Variants in CKMT2 observed in about 807,000 individuals in gnomAD.
The protein encoded by CKMT2 is creatine kinase S-type, mitochondrial.
In CKMT2, 43 loss-of-function variants were observed where a neutral mutation model predicts 48.9. The ratio of observed to expected loss-of-function variants is 0.88; its 90% CI spans 0.69 to 1.13. The LOEUF is 1.13. CKMT2 is among the 50% of genes most tolerant of loss of function. The probability of loss-of-function intolerance (pLI) is 0.00; values close to 1 mark genes in which losing one functional copy is unlikely to be tolerated. For synonymous variants in CKMT2, 206 were observed against 213.0 expected (o/e 0.97, Z 0.29); for missense variants, 472 against 555.4 (o/e 0.85, Z 1.51).
At chr5:81,244,186 G>A in intron 1 of CKMT2, 1 of 985,382 alleles carries the variant, frequency 1.0e-6, no homozygotes, top group Non-Finnish European at 1.2e-6. Flanking sequence ...TTCACTAACA[G>A]AAGTCACAAG....
At chr5:81,240,174 C>A (rs536713259) in intron 1 of CKMT2, among the ~76,000 whole-genome samples, 1 of 152,250 alleles carries the variant, frequency 6.6e-6, no homozygotes, top group Non-Finnish European at 1.5e-5. Flanking sequence ...GGTGTTCCTG[C>A]GAAGGAAGGC....
chr5:81,259,328 C>CATCA, intron 8 of CKMT2, 74 bp downstream of exon 8: 1 of 1,324,046 alleles, frequency 7.6e-7, no homozygotes, highest in Non-Finnish European at 1.0e-6. Context: ...AGGAAGAAAA[C>CATCA]ATCACTGCCC....
chr5:81,248,628 C>A lies in CKMT2; in HGVS notation c.-20-2485C>A, dbSNP rs776524350. Among the ~76,000 whole-genome samples the A allele has an allele frequency of 2.6e-5, 4 of 152,176 alleles. No homozygotes were observed. The South Asian group carries it at 6.2e-4, about 24-fold the overall frequency. ...TGTTGGTCTTTACAAGTCCCCAGGA[C>A]AACTTCAAGAAATGACCAATTTATA... On this transcript the variant is annotated intron_variant, in intron 1 of 9. Coordinates refer to ENST00000254035, the MANE Select transcript of CKMT2 (RefSeq NM_001099735.2).
At chr5:81,263,640 A>T (rs1300560867) in intron 9 of CKMT2, 24 bp downstream of exon 9, 1 of 1,585,604 alleles carries the variant, frequency 6.3e-7, no homozygotes, top group Non-Finnish European at 8.6e-7. Flanking sequence ...CACTTTCCTA[A>T]CATGAACTAA....
intron 6 of CKMT2, among the ~76,000 whole-genome samples, 164 bp from the exon 7 acceptor site, chr5:81,257,569 G>A (rs1463795621): frequency 6.6e-6 from 1 of 152,114 alleles, no homozygotes; most frequent in East Asian, 1.9e-4. Context: ...TTCTGTCAAA[G>A]TAACATTATT....
At chr5:81,243,270 C>A (rs145379108) in intron 1 of CKMT2, among the ~76,000 whole-genome samples, 3 of 152,304 alleles carry the variant, frequency 2.0e-5, no homozygotes, top group African/African-American at 7.2e-5. Context: ...CCCATGAGTA[C>A]ACTGCGAACT....
At position 81,266,288 on chromosome 5, in the gene CKMT2, T is replaced by C. The variant is rs1399562914; in HGVS notation, c.*30T>C. On this transcript the variant is annotated 3_prime_UTR_variant, in exon 10 of 10. Transcript: ENST00000254035. Reference sequence around the variant, plus strand: ...TCCCTTTCCCAATTTATAAATAATCTGTCTGCTGGTACGACAGACATAAAT... The same window carrying C: ...TCCCTTTCCCAATTTATAAATAATCCGTCTGCTGGTACGACAGACATAAAT... The C allele has an allele frequency of 6.2e-7, 1 of 1,608,986 alleles. No homozygotes were observed. Among genetic ancestry groups the C allele is most frequent in the South Asian group, 1.1e-5 (1 of 90,892 alleles).
At chr5:81,241,922 T>G (rs1756448110) in intron 1 of CKMT2, among the ~76,000 whole-genome samples, 1 of 151,956 alleles carries the variant, frequency 6.6e-6, no homozygotes, top group Non-Finnish European at 1.5e-5. Context: ...CCTCATCTGA[T>G]TCTTCCTTTC....
At position 81,233,367 on chromosome 5, in the gene CKMT2, C is replaced by T. The variant is rs942692921; in HGVS notation, c.-31C>T. 2.0e-6 allele frequency: 2 copies of T among 985,622 alleles called. No individual in the cohort carries two copies. The highest frequency in any genetic ancestry group is 5.2e-4 in the Middle Eastern group (1 of 1,936). The allele number at this position is 985,622 out of a possible 1,614,324, so 61.1% of individuals were successfully genotyped here. ...TGCGCTCAGCAGGACGTGGGAGGCT[C>T]CGGCTTCAAGGTCGGTGAGTCCGTG... is the stretch of plus-strand genomic sequence containing the variant. On this transcript the variant is annotated 5_prime_UTR_variant, in exon 1 of 10. Transcript: ENST00000254035.
In CKMT2 at chr5:81,263,558, C is replaced by G; in HGVS notation, c.1082C>G (p.Thr361Ser). Residue 361 changes from threonine (T) to serine (S), a missense_variant, in exon 9 of 10, where the codon ACT becomes AGT. Transcript: ENST00000254035. ...LQKRGTGGVD[T>S]AAVADVYDIS... The stretch of plus-strand genomic sequence containing the variant: ...AAGCGTGGCACAGGTGGTGTGGACA[C>G]TGCCGCGGTCGCAGATGTGTACGAC... 6.2e-7 allele frequency: 1 copy of G among 1,613,062 alleles called. No homozygotes were observed. The highest frequency in any genetic ancestry group is 1.1e-5 in the South Asian group (1 of 91,020).
intron 9 of CKMT2, among the ~76,000 whole-genome samples, chr5:81,264,033 A>G (rs1350376922): frequency 6.6e-6 from 1 of 152,262 alleles, no homozygotes; most frequent in Non-Finnish European, 1.5e-5. Context: ...GGTGAAGGCT[A>G]CAAATGATCA....
At position 81,252,875 on chromosome 5, in the gene CKMT2, T is replaced by C; in HGVS notation, c.333T>C (p.Gly111=). The C allele has an allele frequency of 6.2e-7, 1 of 1,614,196 alleles. No homozygotes were observed. Among genetic ancestry groups the C allele is most frequent in the Non-Finnish European group, 8.5e-7 (1 of 1,180,028 alleles). ...PFIKTVGMVA[G]DEESYEVFAD... ...TAAAGACTGTGGGCATGGTGGCTGGTGACGAGGAGTCCTATGAGGTAAAAC... is the reference window on the plus strand; with the variant it reads ...TAAAGACTGTGGGCATGGTGGCTGGCGACGAGGAGTCCTATGAGGTAAAAC... The change falls in exon 3 of 10, where the codon GGT becomes GGC. Residue 111 remains glycine, a synonymous_variant. Coordinates refer to ENST00000254035, the MANE Select transcript of CKMT2 (RefSeq NM_001099735.2).
chr5:81,255,636 C>T (rs539829847), intron 5 of CKMT2, among the ~76,000 whole-genome samples: 1 of 152,206 alleles, frequency 6.6e-6, no homozygotes, highest in South Asian at 2.1e-4. Context: ...AGGTGGGAGG[C>T]CTGCCCTGAC....
chr5:81,249,224 A>AT (rs1179303060), intron 1 of CKMT2, among the ~76,000 whole-genome samples: 5 of 151,878 alleles, frequency 3.3e-5, no homozygotes, highest in African/African-American at 1.2e-4. Context: ...CAGCTAATTA[A>AT]TTTTTTGTAA....
intron 5 of CKMT2, 137 bp downstream of exon 5, chr5:81,255,351 A>G (rs1217177386): frequency 2.2e-5 from 16 of 712,396 alleles, no homozygotes; most frequent in South Asian, 1.8e-4. Flanking sequence ...GCTCAGCCCA[A>G]GAGCATCTAC....
intron 8 of CKMT2, among the ~76,000 whole-genome samples, chr5:81,262,041 T>A (rs112957848): frequency 4.7e-4 from 71 of 152,140 alleles, no homozygotes; most frequent in African/African-American, 1.7e-3. Context: ...ACATCACACA[T>A]CTACAACCAT....
intron 1 of CKMT2, among the ~76,000 whole-genome samples, chr5:81,246,244 T>C (rs2112793806): frequency 6.6e-6 from 1 of 151,498 alleles, no homozygotes; most frequent in Non-Finnish European, 1.5e-5. Context: ...CCAGACTCCT[T>C]AGGGTGGTCT....
At chr5:81,251,055 A>G (rs1437263476) in intron 1 of CKMT2, 58 bp from the exon 2 acceptor site, 3 of 1,390,494 alleles carry the variant, frequency 2.2e-6, no homozygotes, top group African/African-American at 1.4e-5. Flanking sequence ...ATTGACCCCT[A>G]TGTTGTGGCT....
intron 1 of CKMT2, chr5:81,244,204 A>T (rs1756533121): frequency 2.0e-6 from 2 of 985,068 alleles, no homozygotes; most frequent in African/African-American, 1.7e-5. Context: ...AAGCCAAGTG[A>T]GGTAAAGTTC....
Sources: gnomAD v4.1 joint callset for allele counts (sites outside exome capture counted in the v4.1 genomes callset) on GRCh38, gnomAD v4.1.1 for gene constraint, MANE v1.5 for transcripts, NCBI Gene and HGNC (gene_info 2026-07-23, HGNC 2026-07-21) for gene names.